Variants in ABCA9 observed in about 807,000 individuals in gnomAD.
ABCA9 encodes the protein ATP-binding cassette sub-family A member 9.
ABCA9 carries 183 observed loss-of-function variants against 205.3 expected under a neutral mutation model. The observed-to-expected ratio is 0.89, with a 90% CI of 0.79 to 1.01. The LOEUF is 1.01. Among genes scored for constraint, ABCA9 ranks in the 50% least tolerant of loss-of-function variants. The probability of loss-of-function intolerance (pLI) is 0.00; values close to 1 mark genes in which losing one functional copy is unlikely to be tolerated. For missense variants in ABCA9, 1,805 were observed against 1,912.4 expected (o/e 0.94, Z 1.05); for synonymous variants, 651 against 683.3 (o/e 0.95, Z 0.74).
At chr17:68,981,815 G>C (rs1024651591) in intron 37 of ABCA9, among the ~76,000 whole-genome samples, 1 of 96,766 alleles carries the variant, frequency 1.0e-5, no homozygotes, top group East Asian at 3.0e-4. Context: ...CCAGCCTGGC[G>C]ACAAAGGAAA....
At chr17:69,057,345 C>T (rs769151611) in intron 1 of ABCA9, among the ~76,000 whole-genome samples, 2 of 152,184 alleles carry the variant, frequency 1.3e-5, no homozygotes, top group Non-Finnish European at 2.9e-5. Context: ...CAATGAGAGA[C>T]AATCACCCAT....
chr17:68,976,223 ATT>A, intron 37 of ABCA9, 33 bp from the exon 38 acceptor site: 5 of 1,459,540 alleles, frequency 3.4e-6, no homozygotes, highest in Non-Finnish European at 2.8e-6. Context: ...TAGGAATTCT[ATT>A]TTTTTTTTCA....
chr17:69,059,669 A>T (rs1288148761), intron 1 of ABCA9, among the ~76,000 whole-genome samples: 130 of 143,864 alleles, frequency 9.0e-4, no homozygotes, highest in Non-Finnish European at 1.4e-3. Context: ...GTTTGTGGTC[A>T]TTTTTTTTTT....
chr17:68,984,577 A>G (rs928725051), intron 34 of ABCA9, among the ~76,000 whole-genome samples: 4 of 152,282 alleles, frequency 2.6e-5, no homozygotes, highest in Middle Eastern at 3.4e-3. Flanking sequence ...TTTTTCCTCC[A>G]TAGGAATTGT....
intron 6 of ABCA9, among the ~76,000 whole-genome samples, chr17:69,037,506 T>G (rs906074467): frequency 1.3e-5 from 2 of 152,190 alleles, no homozygotes; most frequent in African/African-American, 4.8e-5. Context: ...AAATAAGTTT[T>G]TTGAAATCAA....
Position 69,008,176 on chromosome 17 carries a change from G to T in ABCA9, c.3207C>A (p.Gly1069=), listed in dbSNP as rs1447609839. 1 of 1,614,024 alleles carries T rather than the reference G, an allele frequency of 6.2e-7. No individual in the cohort carries two copies. Among genetic ancestry groups the T allele is most frequent in the Non-Finnish European group, 8.5e-7 (1 of 1,179,918 alleles). Residue 1069 remains glycine (G), a synonymous_variant, in exon 24 of 39, where the codon GGC becomes GGA. Coordinates refer to ENST00000340001, the MANE Select transcript of ABCA9 (RefSeq NM_080283.4). ...SGLYPSAYWF[G]QALVDVSLYF... is the part of the protein sequence containing the mutation. ...ACAGGGAAACATCCACCAGTGCTTG[G>T]CCAAACCAGTATGCAGAAGGGTAGA...
chr17:69,073,065 A>T, the ABCA9 span, among the ~76,000 whole-genome samples: 1 of 152,226 alleles, frequency 6.6e-6, no homozygotes, highest in African/African-American at 2.4e-5. Context: ...CTAAATATAT[A>T]TGCATCCAAT....
At chr17:69,024,814 G>A (rs2070929079) in intron 16 of ABCA9, among the ~76,000 whole-genome samples, 1 of 152,270 alleles carries the variant, frequency 6.6e-6, no homozygotes, top group Admixed American at 6.5e-5. Context: ...TCATGCTAAT[G>A]CAGATTCTGC....
In ABCA9 at chr17:68,984,907, G is replaced by T. The variant is rs148927389; in HGVS notation, c.4357C>A (p.Pro1453Thr). ...CACCACATTTGCTGCTGCCCCTCGG[G>T]GTCCATCCCGGTCGACGGCTCATCC... ...LLDEPSTGMD[P>T]EGQQQMWQVI... The change falls in exon 34 of 39, where the codon CCC becomes ACC. Residue 1453 changes from proline (P) to threonine (T), a missense_variant. Transcript: ENST00000340001. 11,200 of 1,614,100 alleles carry T rather than the reference G, an allele frequency of 6.9e-3. 59 individuals carry two copies. The highest frequency in any genetic ancestry group is 8.5e-3 in the Non-Finnish European group (10,058 of 1,180,026).
At chr17:69,017,866 C>G in intron 20 of ABCA9, 77 bp from the exon 21 acceptor site, 1 of 1,483,296 alleles carries the variant, frequency 6.7e-7, no homozygotes, top group South Asian at 1.2e-5. Flanking sequence ...TACATTACAT[C>G]ACACAAAGCA....
the ABCA9 span, among the ~76,000 whole-genome samples, chr17:69,072,326 A>T: frequency 6.6e-6 from 1 of 152,178 alleles, no homozygotes; most frequent in Non-Finnish European, 1.5e-5. Context: ...GAGGGAAAAA[A>T]TGTTAAGGGC....
chr17:69,014,847 T>C (rs2070522993), intron 22 of ABCA9, among the ~76,000 whole-genome samples: 1 of 152,118 alleles, frequency 6.6e-6, no homozygotes, highest in Non-Finnish European at 1.5e-5. Context: ...TGGAGAAAGT[T>C]TGACAGTATG....
Position 69,049,387 on chromosome 17 carries a change from C to T in ABCA9, c.200G>A (p.Arg67His), listed in dbSNP as rs373549639. Residue 67 changes from arginine to histidine, a missense_variant, in exon 3 of 39, where the codon CGT becomes CAT. By Grantham distance (29) the Arg-to-His change is conservative. Coordinates refer to ENST00000340001, the MANE Select transcript of ABCA9 (RefSeq NM_080283.4). ...ATTAGTATCATTAAAACTATCTACACGTCCCAGATCCATTGAAGACATTTG... is the reference window on the plus strand; with the variant it reads ...ATTAGTATCATTAAAACTATCTACATGTCCCAGATCCATTGAAGACATTTG... The part of the protein sequence containing the change: ...TPQMSSMDLG[R>H]VDSFNDTNYV... The T allele has an allele frequency of 2.0e-5, 33 of 1,612,676 alleles. No homozygotes were observed. The highest frequency in any genetic ancestry group is 2.5e-5 in the Non-Finnish European group (29 of 1,179,126).
chr17:68,990,557 T>C (rs2144027962), intron 29 of ABCA9, among the ~76,000 whole-genome samples: 1 of 152,312 alleles, frequency 6.6e-6, no homozygotes, highest in Non-Finnish European at 1.5e-5. Context: ...AATTTTTTTA[T>C]TTTTAATTTT....
chr17:69,014,286 G>A (rs1474665322), intron 22 of ABCA9, among the ~76,000 whole-genome samples: 1 of 151,960 alleles, frequency 6.6e-6, no homozygotes, highest in Non-Finnish European at 1.5e-5. Context: ...TCAAAACATA[G>A]GCACACAACA....
intron 3 of ABCA9, 46 bp from the exon 4 acceptor site, chr17:69,045,382 CTACCT>C: frequency 1.3e-6 from 2 of 1,563,296 alleles, no homozygotes; most frequent in South Asian, 2.4e-5. Context: ...AAGAAAATCT[CTACCT>C]GGCCATATTC....
intron 11 of ABCA9, 134 bp from the exon 12 acceptor site, chr17:69,028,779 T>C (rs557843224): frequency 1.2e-5 from 6 of 486,244 alleles, no homozygotes; most frequent in Admixed American, 3.8e-5. Context: ...TTAAAATTCT[T>C]TCTTTTAAAA....
intron 32 of ABCA9, 103 bp from the exon 33 acceptor site, chr17:68,985,231 G>A (rs1194885462): frequency 2.1e-6 from 3 of 1,414,510 alleles, no homozygotes; most frequent in Admixed American, 1.8e-5. Context: ...GTGTTTATGA[G>A]TGGTCAGAGT....
intron 1 of ABCA9, among the ~76,000 whole-genome samples, chr17:69,054,590 G>T (rs188725554): frequency 6.7e-6 from 1 of 150,266 alleles, no homozygotes; most frequent in African/African-American, 2.4e-5. Context: ...ATGAGAGAAA[G>T]AAAGAATAAG....
Sources: allele counts gnomAD v4.1 joint callset (sites outside exome capture counted in the v4.1 genomes callset), GRCh38; gene constraint gnomAD v4.1.1; transcripts MANE v1.5; gene names NCBI Gene and HGNC (gene_info 2026-07-23, HGNC 2026-07-21).